Variants in ACTR3C observed in about 807,000 individuals in gnomAD.
ACTR3C encodes actin-related protein 3C.
A neutral mutation model predicts 26.3 loss-of-function variants in ACTR3C; 18 were observed. The observed-to-expected ratio is 0.68, with a 90% CI of 0.47 to 1.01. ACTR3C has a LOEUF of 1.01. Among genes scored for constraint, ACTR3C ranks in the 50% least tolerant of loss-of-function variants. The pLI is 0.00. For missense variants in ACTR3C, 184 were observed against 250.7 expected, an observed-to-expected ratio of 0.73 and a Z score of 1.80; for synonymous variants, 55 against 94.5, an observed-to-expected ratio of 0.58 and a Z score of 2.42.
chr7:150,251,287 T>C (rs1832836632), intron 6 of ACTR3C, among the ~76,000 whole-genome samples: 1 of 152,224 alleles, frequency 6.6e-6, no homozygotes, highest in Non-Finnish European at 1.5e-5. Context: ...CTGATTACTT[T>C]ATTGGTTGTT....
the ACTR3C span, among the ~76,000 whole-genome samples, chr7:150,134,793 C>A: frequency 6.6e-5 from 10 of 152,264 alleles, no homozygotes; most frequent in Non-Finnish European, 1.3e-4. Flanking sequence ...TCTGGCCAAC[C>A]TCAAGGGTCT....
At chr7:150,198,971 G>C in the ACTR3C span, among the ~76,000 whole-genome samples, 1 of 136,952 alleles carries the variant, frequency 7.3e-6, no homozygotes, top group African/African-American at 3.0e-5. Context: ...CCCCGTCCGG[G>C]AGGGAGGTGG....
chr7:150,256,603 T>C (rs559487065), intron 6 of ACTR3C, among the ~76,000 whole-genome samples: 34 of 152,284 alleles, frequency 2.2e-4, no homozygotes, highest in African/African-American at 8.2e-4. Context: ...AGAAGCCTAC[T>C]TGAGGAGGTA....
At chr7:149,990,008 G>T in the ACTR3C span, among the ~76,000 whole-genome samples, 1 of 152,144 alleles carries the variant, frequency 6.6e-6, no homozygotes, top group East Asian at 1.9e-4. Context: ...GAAAGCACTC[G>T]GCGTCAGTGC....
At chr7:150,044,539 C>G in the ACTR3C span, among the ~76,000 whole-genome samples, 1 of 152,156 alleles carries the variant, frequency 6.6e-6, no homozygotes, top group East Asian at 1.9e-4. Context: ...TGGGAAGTCC[C>G]TTTGTTGCCT....
intron 6 of ACTR3C, among the ~76,000 whole-genome samples, chr7:150,264,280 G>C (rs1196238057): frequency 1.3e-5 from 2 of 152,236 alleles, no homozygotes; most frequent in Admixed American, 1.3e-4. Flanking sequence ...GCACGGAATA[G>C]AGCTCCTTGC....
At chr7:150,212,816 G>A in the ACTR3C span, among the ~76,000 whole-genome samples, 151 of 152,070 alleles carry the variant, frequency 9.9e-4, no homozygotes, top group South Asian at 2.7e-3. Context: ...CCACAAAACA[G>A]CCTCGTATAA....
At chr7:150,134,205 A>T in the ACTR3C span, among the ~76,000 whole-genome samples, 1,257 of 82,970 alleles carry the variant, frequency 0.015, 11 homozygotes, top group African/African-American at 0.039. Context: ...TTAAAGTATA[A>T]TTTTTTAAAA....
At chr7:150,158,988 C>T in the ACTR3C span, among the ~76,000 whole-genome samples, 1,438 of 149,746 alleles carry the variant, frequency 9.6e-3, 26 homozygotes, top group African/African-American at 0.033. Flanking sequence ...CACGCACACA[C>T]GCACACTCAG....
At chr7:149,908,098 G>A in the ACTR3C span, among the ~76,000 whole-genome samples, 2 of 151,842 alleles carry the variant, frequency 1.3e-5, no homozygotes, top group Admixed American at 6.6e-5. Context: ...AGACACCAGC[G>A]AGGTCCCCAG....
chr7:149,916,670 G>GT, the ACTR3C span, among the ~76,000 whole-genome samples: 131,131 of 140,534 alleles, frequency 0.93, 61,983 homozygotes, highest in East Asian at 1. Context: ...AAAGCCCTTG[G>GT]TTTTTTTAAC....
chr7:150,188,407 G>T, the ACTR3C span, among the ~76,000 whole-genome samples: 1 of 151,554 alleles, frequency 6.6e-6, no homozygotes, highest in African/African-American at 2.4e-5. Flanking sequence ...TATGAATAAA[G>T]TTGCTGTAAA....
chr7:150,109,670 C>T, the ACTR3C span, among the ~76,000 whole-genome samples: 1 of 150,214 alleles, frequency 6.7e-6, no homozygotes, highest in African/African-American at 2.5e-5. Flanking sequence ...CCTCCAACCA[C>T]GAGGACTATG....
chr7:149,927,739 A>T, the ACTR3C span, among the ~76,000 whole-genome samples: 1 of 152,144 alleles, frequency 6.6e-6, no homozygotes, highest in Non-Finnish European at 1.5e-5. Flanking sequence ...CGAAAGAAAA[A>T]AAAAAAGGGC....
chr7:150,155,966 G>T, the ACTR3C span, among the ~76,000 whole-genome samples: 9 of 152,124 alleles, frequency 5.9e-5, no homozygotes, highest in African/African-American at 1.9e-4. Flanking sequence ...GAGAGTAAAA[G>T]TTGACCTAGT....
chr7:150,183,108 TA>T, the ACTR3C span, among the ~76,000 whole-genome samples: 1 of 150,916 alleles, frequency 6.6e-6, no homozygotes. Context: ...ACTTTAATTT[TA>T]AATGCCACGT....
At chr7:150,206,063 G>A in the ACTR3C span, among the ~76,000 whole-genome samples, 2 of 152,152 alleles carry the variant, frequency 1.3e-5, no homozygotes, top group Non-Finnish European at 2.9e-5. Context: ...AATTTCACAT[G>A]ACTGCATCAG....
rs749395187 is a variant in ACTR3C, at chr7:150,322,351, G to A, written c.-52+1118C>T. Among the ~76,000 whole-genome samples, 202 of 152,384 alleles carry A rather than the reference G, an allele frequency of 1.3e-3. 2 individuals carry two copies. The highest frequency in any genetic ancestry group is 2.3e-3 in the Non-Finnish European group (156 of 68,034). ...ACAAGATACAGGTCATACAGACCTTGCTGATAAAACAGGTTGCAGTAAAGA... is the reference window on the plus strand; with the variant it reads ...ACAAGATACAGGTCATACAGACCTTACTGATAAAACAGGTTGCAGTAAAGA... On this transcript the variant is annotated intron_variant, in intron 1 of 7. Transcript: ENST00000683684.
chr7:149,885,077 C>T, the ACTR3C span, among the ~76,000 whole-genome samples: 894 of 152,144 alleles, frequency 5.9e-3, 32 homozygotes, highest in Admixed American at 0.05. Flanking sequence ...TTAGCAGTAC[C>T]GCCTCCCTTT....
Sources: gnomAD v4.1 joint callset for allele counts (sites outside exome capture counted in the v4.1 genomes callset) on GRCh38, gnomAD v4.1.1 for gene constraint, MANE v1.5 for transcripts, NCBI Gene and HGNC (gene_info 2026-07-23, HGNC 2026-07-21) for gene names.